Variants in UBE2V2 observed in about 807,000 individuals in gnomAD.
UBE2V2 encodes ubiquitin-conjugating enzyme E2 variant 2.
A neutral mutation model predicts 17.2 loss-of-function variants in UBE2V2; 9 were observed. The ratio of observed to expected loss-of-function variants is 0.52; its 90% CI spans 0.32 to 0.91. The LOEUF is 0.91. Among genes scored for constraint, UBE2V2 ranks in the 40% least tolerant of loss-of-function variants. UBE2V2 has a pLI of 0.04. For synonymous variants in UBE2V2, 61 were observed against 57.5 expected, an observed-to-expected ratio of 1.06 and a Z score of -0.28; for missense variants, 133 against 182.6, an observed-to-expected ratio of 0.73 and a Z score of 1.56.
At chr8:48,016,910 C>T (rs921256988) in intron 1 of UBE2V2, among the ~76,000 whole-genome samples, 10 of 151,720 alleles carry the variant, frequency 6.6e-5, no homozygotes, top group Non-Finnish European at 1.3e-4. Context: ...CTTAGCCTCC[C>T]GAGTAGCTGG....
chr8:48,029,262 G>A lies in UBE2V2; in HGVS notation c.17-13771G>A, dbSNP rs555765391. Among the ~76,000 whole-genome samples, 16 of 152,204 alleles carry A rather than the reference G, an allele frequency of 1.1e-4. No individual in the cohort carries two copies. In the South Asian group the frequency reaches 3.1e-3, roughly 30 times the overall value. Reference sequence around the variant, plus strand: ...GAGGATCACTTGTGCCCAGAAGTTCGAGGTTGCAGTGAGACATGATTGTAC... The same window carrying A: ...GAGGATCACTTGTGCCCAGAAGTTCAAGGTTGCAGTGAGACATGATTGTAC... On this transcript the variant is annotated intron_variant, in intron 1 of 3. Transcript: ENST00000523111.
At chr8:48,043,861 C>T (rs1269980970) in intron 2 of UBE2V2, among the ~76,000 whole-genome samples, 3 of 150,896 alleles carry the variant, frequency 2.0e-5, no homozygotes, top group Non-Finnish European at 4.4e-5. Flanking sequence ...TGTACTTTGT[C>T]TTTCTTGGGT....
At chr8:48,055,745 A>C (rs1288206050) in intron 3 of UBE2V2, among the ~76,000 whole-genome samples, 2 of 145,472 alleles carry the variant, frequency 1.4e-5, no homozygotes, top group Non-Finnish European at 3.0e-5. Flanking sequence ...AGACCTAAAC[A>C]ACCATTAATC....
chr8:48,002,470 A>T, the UBE2V2 span, among the ~76,000 whole-genome samples: 1 of 152,216 alleles, frequency 6.6e-6, no homozygotes, highest in Admixed American at 6.5e-5. Context: ...TACTTGTGGA[A>T]TATAAAATAA....
chr8:48,045,278 G>A (rs916819671), intron 2 of UBE2V2, among the ~76,000 whole-genome samples: 2 of 152,164 alleles, frequency 1.3e-5, no homozygotes, highest in African/African-American at 4.8e-5. Flanking sequence ...CATGACATGG[G>A]AACATTCAGA....
At chr8:48,060,621 C>T in intron 3 of UBE2V2, 61 bp from the exon 4 acceptor site, 1 of 1,329,544 alleles carries the variant, frequency 7.5e-7, no homozygotes, top group African/African-American at 1.5e-5. Context: ...ATATGCTTAA[C>T]AAATTGGTGC....
intron 1 of UBE2V2, among the ~76,000 whole-genome samples, chr8:48,040,844 G>GTTTTTTTTTTTT (rs71225699): frequency 4.0e-5 from 3 of 74,130 alleles, no homozygotes; most frequent in Non-Finnish European, 7.1e-5. Context: ...GCCAGGCTGG[G>GTTTTTTTTTTTT]TTTTTTTTTT....
At chr8:48,057,094 T>G (rs189521943) in intron 3 of UBE2V2, among the ~76,000 whole-genome samples, 1 of 152,266 alleles carries the variant, frequency 6.6e-6, no homozygotes, top group Admixed American at 6.5e-5. Flanking sequence ...TCTGGGTTTC[T>G]TGCATTTGCT....
At chr8:48,015,454 A>T (rs2091262264) in intron 1 of UBE2V2, among the ~76,000 whole-genome samples, 1 of 152,192 alleles carries the variant, frequency 6.6e-6, no homozygotes, top group Non-Finnish European at 1.5e-5. Flanking sequence ...GGTTAAATCT[A>T]GCTAATTACC....
intron 1 of UBE2V2, among the ~76,000 whole-genome samples, chr8:48,014,829 T>A (rs1160401362): frequency 6.6e-6 from 1 of 151,226 alleles, no homozygotes; most frequent in Non-Finnish European, 1.5e-5. Context: ...GGTGGGTGGT[T>A]CACGAAGTCA....
intron 3 of UBE2V2, among the ~76,000 whole-genome samples, chr8:48,050,864 C>G (rs1585443391): frequency 1.3e-5 from 2 of 152,002 alleles, no homozygotes; most frequent in African/African-American, 4.8e-5. Context: ...CATGGCTGAG[C>G]ATCATTGTCT....
chr8:48,008,529 C>G (rs1404098333), intron 1 of UBE2V2, 59 bp downstream of exon 1: 2 of 1,527,374 alleles, frequency 1.3e-6, no homozygotes, highest in Non-Finnish European at 1.8e-6. Flanking sequence ...GCCCCTCCGT[C>G]TGCTGCTGGC....
At chr8:48,019,002 G>A (rs771656340) in intron 1 of UBE2V2, among the ~76,000 whole-genome samples, 9 of 150,660 alleles carry the variant, frequency 6.0e-5, no homozygotes, top group Admixed American at 2.0e-4. Flanking sequence ...AGGCCGAGGC[G>A]GGCGGATCAC....
At position 48,060,887 on chromosome 8, in the gene UBE2V2, G is replaced by A; in HGVS notation, c.*59G>A. On this transcript the variant is annotated 3_prime_UTR_variant, in exon 4 of 4. Transcript: ENST00000523111. ...AACCTTCTACTCATGTTAATGTCTT[G>A]ATTAAATATCACAATGCAAAATACA... 1 of 1,364,964 alleles carries A rather than the reference G, an allele frequency of 7.3e-7. No individual in the cohort carries two copies. Among genetic ancestry groups the A allele is most frequent in the South Asian group, 2.1e-5 (1 of 46,876 alleles). The allele number at this position is 1,364,964 out of a possible 1,614,324, so 84.6% of individuals were successfully genotyped here. A position where few individuals can be genotyped will look rare whatever the true frequency, so the allele number is the denominator to read the frequency against.
chr8:48,043,022 CT>C lies in UBE2V2; in HGVS notation c.17-7del. ...AGCTTTTTACATTTACACTGACGTTCTTTTGTATAGGAGTTAAAGTTCCTCG... is the reference window on the plus strand; with the variant it reads ...AGCTTTTTACATTTACACTGACGTTCTTTGTATAGGAGTTAAAGTTCCTCG... On this transcript the variant is annotated splice_polypyrimidine_tract_variant and intron_variant, in intron 1 of 3. Transcript: ENST00000523111. The C allele has an allele frequency of 6.7e-7, 1 of 1,497,994 alleles. No individual in the cohort carries two copies. The highest frequency in any genetic ancestry group is 8.9e-7 in the Non-Finnish European group (1 of 1,118,366). 92.8% of individuals were successfully genotyped at this position (1,497,994 alleles called of 1,614,324 possible). A position where few individuals can be genotyped will look rare whatever the true frequency, so the allele number is the denominator to read the frequency against.
In UBE2V2 at chr8:48,049,748, C is replaced by G. The variant is rs2091522418; in HGVS notation, c.166-105C>G. ...ATAAATTCTTAATCATAAACACTGT[C>G]TTACGTACATTCATATTGTACTTTC... On this transcript the variant is annotated intron_variant, in intron 2 of 3. Coordinates refer to ENST00000523111, the MANE Select transcript of UBE2V2 (RefSeq NM_003350.3). The G allele has an allele frequency of 3.9e-6, 4 of 1,024,168 alleles. No homozygotes were observed. In the Admixed American group the frequency reaches 1.2e-4, roughly 30 times the overall value. The allele number at this position is 1,024,168 out of a possible 1,614,324, so 63.4% of individuals were successfully genotyped here.
chr8:48,037,008 G>A (rs2091429438), intron 1 of UBE2V2, among the ~76,000 whole-genome samples: 1 of 152,006 alleles, frequency 6.6e-6, no homozygotes, highest in Non-Finnish European at 1.5e-5. Context: ...GCGAAACCCC[G>A]TCTCTACTAA....
chr8:48,037,221 A>G (rs1018557096), intron 1 of UBE2V2, among the ~76,000 whole-genome samples: 16 of 152,232 alleles, frequency 1.1e-4, no homozygotes, highest in Non-Finnish European at 2.1e-4. Flanking sequence ...AGGAAGTGAC[A>G]TTTTGGGCAT....
intron 2 of UBE2V2, 109 bp from the exon 3 acceptor site, chr8:48,049,744 C>T: frequency 1.1e-6 from 1 of 946,462 alleles, no homozygotes; most frequent in South Asian, 2.0e-5. Context: ...ATCATAAACA[C>T]TGTCTTACGT....
Sources: gnomAD v4.1 joint callset for allele counts (sites outside exome capture counted in the v4.1 genomes callset) on GRCh38, gnomAD v4.1.1 for gene constraint, MANE v1.5 for transcripts, NCBI Gene and HGNC (gene_info 2026-07-23, HGNC 2026-07-21) for gene names.